Variants in CCDC126 observed in about 807,000 individuals in gnomAD.
CCDC126 encodes coiled-coil domain containing 126, also known as coiled-coil domain-containing protein 126.
Under a neutral mutation model 11.7 loss-of-function variants are expected in CCDC126, and 5 were observed. The ratio of observed to expected loss-of-function variants is 0.43; its 90% CI spans 0.22 to 0.90. The LOEUF is 0.90. CCDC126 is among the 40% of genes least tolerant of loss of function. CCDC126 has a pLI of 0.27. For synonymous variants in CCDC126, 60 were observed against 61.9 expected (o/e 0.97, Z 0.14); for missense variants, 150 against 163.1 (o/e 0.92, Z 0.44).
intron 3 of CCDC126, chr7:23,622,608 G>A (rs1782934513): frequency 1.9e-6 from 1 of 536,446 alleles, no homozygotes; most frequent in African/African-American, 1.9e-5. Context: ...CAGAAGTATT[G>A]AGTGGCTCTA....
At chr7:23,614,029 TGTG>T (rs1164739922) in intron 3 of CCDC126, among the ~76,000 whole-genome samples, 2 of 152,216 alleles carry the variant, frequency 1.3e-5, no homozygotes, top group African/African-American at 2.4e-5. Flanking sequence ...GACTGATCAG[TGTG>T]GTGGTTACTG....
chr7:23,642,707 G>A (rs986283300), intron 3 of CCDC126, among the ~76,000 whole-genome samples: 3 of 151,182 alleles, frequency 2.0e-5, no homozygotes, highest in Non-Finnish European at 4.4e-5. Context: ...AGGCTGCAGC[G>A]AGCCGAGATC....
chr7:23,628,637 C>T (rs989586991), intron 3 of CCDC126, among the ~76,000 whole-genome samples: 11 of 152,196 alleles, frequency 7.2e-5, no homozygotes, highest in Non-Finnish European at 1.5e-5. Context: ...CCGGAAATGT[C>T]ACCCCTGCCA....
intron 3 of CCDC126, among the ~76,000 whole-genome samples, chr7:23,632,982 C>A (rs1479047426): frequency 2.6e-5 from 4 of 152,160 alleles, no homozygotes; most frequent in African/African-American, 7.2e-5. Flanking sequence ...CTCATGTGAT[C>A]TAAACTGCCT....
chr7:23,597,936 C>T (rs1195288368), intron 1 of CCDC126, 31 bp from the exon 2 acceptor site: 1 of 152,250 alleles, frequency 6.6e-6, no homozygotes, highest in Non-Finnish European at 1.5e-5. Context: ...CCGGGCGGCA[C>T]CGCACTCACT....
In CCDC126 at chr7:23,644,003, T is replaced by A. The variant is rs184662722; in HGVS notation, c.*888T>A. 2 of 152,228 alleles carry A rather than the reference T, an allele frequency of 1.3e-5. No individual in the cohort carries two copies. Among genetic ancestry groups the A allele is most frequent in the African/African-American group, 4.8e-5 (2 of 41,570 alleles). 9.4% of individuals were successfully genotyped at this position (152,228 alleles called of 1,614,324 possible). On this transcript the variant is annotated 3_prime_UTR_variant, in exon 4 of 4. Coordinates refer to ENST00000307471, the MANE Select transcript of CCDC126 (RefSeq NM_138771.4). The stretch of plus-strand genomic sequence containing the variant: ...GTTAATTTTGCTTTTATTATATTGG[T>A]CTAGGAGGAAGGGACTTTGGAGAAT...
At chr7:23,627,979 T>A (rs1325386411) in intron 3 of CCDC126, among the ~76,000 whole-genome samples, 3 of 152,132 alleles carry the variant, frequency 2.0e-5, no homozygotes, top group Non-Finnish European at 4.4e-5. Context: ...CCAGCAAAAA[T>A]TTTCCTTAGT....
At chr7:23,608,012 C>G (rs142949695) in intron 2 of CCDC126, among the ~76,000 whole-genome samples, 1 of 151,856 alleles carries the variant, frequency 6.6e-6, no homozygotes, top group African/African-American at 2.4e-5. Flanking sequence ...GCAGGGTGGC[C>G]GAATATACAT....
In CCDC126 at chr7:23,611,516, A is replaced by T. The variant is rs373695609; in HGVS notation, c.201A>T (p.Thr67=). ...VKALAEENKN[T]VDVENGASMA... is the part of the protein sequence containing the mutation. Reference sequence around the variant, plus strand: ...CTCTAGCAGAGGAAAATAAGAACACAGTGGATGTCGAGAACGGTGCTTCTA... The same window carrying T: ...CTCTAGCAGAGGAAAATAAGAACACTGTGGATGTCGAGAACGGTGCTTCTA... Residue 67 remains threonine, a synonymous_variant, in exon 3 of 4, where the codon ACA becomes ACT. Transcript: ENST00000307471. 12 of 1,613,744 alleles carry T rather than the reference A, an allele frequency of 7.4e-6. No individual in the cohort carries two copies. Among genetic ancestry groups the T allele is most frequent in the Non-Finnish European group, 1.0e-5 (12 of 1,179,644 alleles).
At chr7:23,614,242 A>G (rs1782760406) in intron 3 of CCDC126, among the ~76,000 whole-genome samples, 2 of 152,190 alleles carry the variant, frequency 1.3e-5, no homozygotes, top group Non-Finnish European at 2.9e-5. Flanking sequence ...ATAATATTCT[A>G]AATCCTTTGT....
chr7:23,618,675 C>T (rs973060595), intron 3 of CCDC126, among the ~76,000 whole-genome samples: 2 of 151,580 alleles, frequency 1.3e-5, no homozygotes, highest in Non-Finnish European at 2.9e-5. Context: ...CTCAGCCTCC[C>T]GAGAACCTGG....
At chr7:23,622,057 C>G (rs1207764171) in intron 3 of CCDC126, among the ~76,000 whole-genome samples, 1 of 152,088 alleles carries the variant, frequency 6.6e-6, no homozygotes, top group African/African-American at 2.4e-5. Context: ...TTTGTTGTGT[C>G]TCTGCCAGGC....
rs149249871 is a variant in CCDC126, at chr7:23,634,670, T to C, written c.239-8261T>C. On this transcript the variant is annotated intron_variant, in intron 3 of 3. Transcript: ENST00000307471. ...GTTCCCAAATCAGCTGGCTTCTGCCTGGGTTCAGCCAGTGGGAGGTATGGG... is the reference window on the plus strand; with the variant it reads ...GTTCCCAAATCAGCTGGCTTCTGCCCGGGTTCAGCCAGTGGGAGGTATGGG... Among the ~76,000 whole-genome samples, 510 of 152,318 alleles carry C rather than the reference T, an allele frequency of 3.3e-3. 3 individuals are homozygous for C. The highest frequency in any genetic ancestry group is 0.012 in the African/African-American group (492 of 41,574).
At chr7:23,636,209 C>T (rs1444797202) in intron 3 of CCDC126, among the ~76,000 whole-genome samples, 11 of 152,260 alleles carry the variant, frequency 7.2e-5, no homozygotes, top group African/African-American at 2.2e-4. Context: ...GATCTCGGCT[C>T]GCTACAACCA....
chr7:23,642,656 A>G (rs1445414097), intron 3 of CCDC126, among the ~76,000 whole-genome samples: 2 of 151,874 alleles, frequency 1.3e-5, no homozygotes, highest in Non-Finnish European at 2.9e-5. Flanking sequence ...CCAGCTAATC[A>G]GGAGGCTGAG....
intron 3 of CCDC126, among the ~76,000 whole-genome samples, chr7:23,621,724 A>G (rs533206751): frequency 3.3e-5 from 5 of 152,276 alleles, no homozygotes; most frequent in African/African-American, 9.6e-5. Flanking sequence ...GTTTGTCATA[A>G]ATAGCTCTCA....
chr7:23,637,997 C>T (rs1245760914), intron 3 of CCDC126, among the ~76,000 whole-genome samples: 5 of 132,148 alleles, frequency 3.8e-5, no homozygotes, highest in African/African-American at 1.4e-4. Flanking sequence ...GCCAGCCGCC[C>T]TATCCAGGAG....
chr7:23,604,385 T>A (rs1219192422), intron 2 of CCDC126: 1 of 152,210 alleles, frequency 6.6e-6, no homozygotes, highest in African/African-American at 2.4e-5. Context: ...GAGATATTTT[T>A]GTGACTAATG....
intron 3 of CCDC126, 72 bp downstream of exon 3, chr7:23,611,625 T>C (rs1407419986): frequency 9.4e-6 from 10 of 1,062,752 alleles, no homozygotes; most frequent in Non-Finnish European, 1.4e-5. Flanking sequence ...ATTGAACTTA[T>C]TACTTCATGC....
Sources: allele counts gnomAD v4.1 joint callset (sites outside exome capture counted in the v4.1 genomes callset), GRCh38; gene constraint gnomAD v4.1.1; transcripts MANE v1.5; gene names NCBI Gene and HGNC (gene_info 2026-07-23, HGNC 2026-07-21).